The following RGS12 variants were observed in gnomAD, a reference collection of about 807,000 sequenced individuals.
RGS12 encodes regulator of G-protein signaling 12.
In RGS12, 66 loss-of-function variants were observed where a neutral mutation model predicts 120.1. That is an observed-to-expected ratio of 0.55 (90% CI 0.45 to 0.67). The LOEUF (loss-of-function observed/expected upper bound fraction) is 0.67, where lower values mean the gene tolerates loss of function less well. Ranked by LOEUF, RGS12 falls within the 30% of genes least tolerant of loss-of-function variation. RGS12 has a pLI of 0.00. For synonymous variants in RGS12, 827 were observed against 804.7 expected, an observed-to-expected ratio of 1.03 and a Z score of -0.47; for missense variants, 1,859 against 1,957.7, an observed-to-expected ratio of 0.95 and a Z score of 0.95.
At chr4:3,360,990 A>G (rs746780359) in intron 3 of RGS12, among the ~76,000 whole-genome samples, 1 of 152,218 alleles carries the variant, frequency 6.6e-6, no homozygotes, top group Non-Finnish European at 1.5e-5. Flanking sequence ...TCAAAATAGC[A>G]GTATTCATAA....
At chr4:3,373,536 C>G (rs1717279961) in intron 3 of RGS12, among the ~76,000 whole-genome samples, 1 of 152,236 alleles carries the variant, frequency 6.6e-6, no homozygotes, top group Non-Finnish European at 1.5e-5. Flanking sequence ...TTAACCCAGT[C>G]TCTCTCATCA....
At position 3,317,145 on chromosome 4, in the gene RGS12, G is replaced by C. The variant is rs1724828990; in HGVS notation, c.975G>C (p.Leu325=). The stretch of plus-strand genomic sequence containing the variant: ...TGCAGACGAATGACGACGGGAGCCT[G>C]GCCCAGGAGGAGGAGGGCGCCCTGC... ...VTMQTNDDGS[L]AQEEEGALRT... Residue 325 remains leucine (L), a synonymous_variant, in exon 2 of 18, where the codon CTG becomes CTC. Transcript: ENST00000336727. The C allele has an allele frequency of 4.3e-6, 7 of 1,613,636 alleles. No individual in the cohort carries two copies. The highest frequency in any genetic ancestry group is 5.9e-6 in the Non-Finnish European group (7 of 1,179,746).
intron 4 of RGS12, among the ~76,000 whole-genome samples, chr4:3,405,192 A>T (rs568614804): frequency 6.6e-6 from 1 of 152,362 alleles, no homozygotes; most frequent in African/African-American, 2.4e-5. Flanking sequence ...ATGCGAAGCA[A>T]GACACTTACA....
chr4:3,291,186 G>C (rs1002351625), upstream of RGS12, among the ~76,000 whole-genome samples: 2 of 152,202 alleles, frequency 1.3e-5, no homozygotes, highest in Non-Finnish European at 2.9e-5. Context: ...CTCACTCAGG[G>C]CCACTTGTCC....
chr4:3,417,528 G>T lies in RGS12; in HGVS notation c.2748G>T (p.Gly916=), dbSNP rs147203430. 6.2e-7 allele frequency: 1 copy of T among 1,612,896 alleles called. No homozygotes were observed. Among genetic ancestry groups the T allele is most frequent in the East Asian group, 2.2e-5 (1 of 44,876 alleles). The part of the protein sequence containing the change: ...TGRSQKKREH[G]DHADDALHAN... ...GGTCCCAGAAAAAGAGGGAGCACGG[G>T]GACCACGCAGACGGTTTGTGGGGTG... The change falls in exon 9 of 18, where the codon GGG becomes GGT. Residue 916 remains glycine, a synonymous_variant. Transcript: ENST00000336727.
chr4:3,389,539 A>C lies in RGS12; in HGVS notation c.2020+3102A>C, dbSNP rs1276656639. The stretch of plus-strand genomic sequence containing the variant: ...CTGGTCTGGCTCTGCACAGAGCTGG[A>C]GCCGCGGCCGCACAGAAGCCCGTTC... On this transcript the variant is annotated intron_variant, in intron 4 of 17. Coordinates refer to ENST00000336727, the MANE Select transcript of RGS12 (RefSeq NM_001394154.1). This position sits in a 1 kb window ranked among gnomAD's most constrained non-coding sequence, Gnocchi z 5.2. Among the ~76,000 whole-genome samples the C allele has an allele frequency of 1.3e-5, 2 of 152,116 alleles. No individual in the cohort carries two copies. The highest frequency in any genetic ancestry group is 2.9e-5 in the Non-Finnish European group (2 of 67,988).
chr4:3,377,168 C>T (rs1717791868), intron 3 of RGS12, among the ~76,000 whole-genome samples: 1 of 152,012 alleles, frequency 6.6e-6, no homozygotes, highest in African/African-American at 2.4e-5. Flanking sequence ...ACTTAGGGGG[C>T]TCAAGCGATC....
chr4:3,399,593 A>T (rs1720377803), intron 4 of RGS12, among the ~76,000 whole-genome samples: 1 of 152,260 alleles, frequency 6.6e-6, no homozygotes, highest in South Asian at 2.1e-4. Flanking sequence ...GATTAACCGG[A>T]CAATCTTTAG....
chr4:3,334,054 G>A, intron 2 of RGS12, among the ~76,000 whole-genome samples: 1 of 151,900 alleles, frequency 6.6e-6, no homozygotes, highest in Admixed American at 6.6e-5. Context: ...ATTATAAATG[G>A]TACCTTTTAA....
At chr4:3,367,267 G>A (rs551405651) in intron 3 of RGS12, among the ~76,000 whole-genome samples, 1 of 152,392 alleles carries the variant, frequency 6.6e-6, no homozygotes, top group East Asian at 1.9e-4. Flanking sequence ...TCTGGGATCC[G>A]CGGTGGGCCT....
chr4:3,383,521 G>A (rs1718481431), intron 3 of RGS12, among the ~76,000 whole-genome samples: 1 of 151,974 alleles, frequency 6.6e-6, no homozygotes, highest in African/African-American at 2.4e-5. Flanking sequence ...TGGGAGGATT[G>A]CTCAAACCCA....
chr4:3,302,174 C>T (rs955098692), intron 1 of RGS12, among the ~76,000 whole-genome samples: 3 of 152,188 alleles, frequency 2.0e-5, no homozygotes, highest in African/African-American at 7.2e-5. Context: ...GTGTTTGTTT[C>T]TGGAATCAGG....
chr4:3,428,751 GCA>G (rs763215654), intron 16 of RGS12, 40 bp downstream of exon 16: 5 of 1,536,346 alleles, frequency 3.3e-6, no homozygotes, highest in East Asian at 2.3e-5. Context: ...TTTAGTAAAT[GCA>G]CAGTTAGTTT....
At chr4:3,294,851 CAGGG>C (rs1308351778) in intron 1 of RGS12, among the ~76,000 whole-genome samples, 1 of 152,106 alleles carries the variant, frequency 6.6e-6, no homozygotes, top group East Asian at 1.9e-4. Flanking sequence ...CCGGAGGTCT[CAGGG>C]AGGTTGACAA....
intron 2 of RGS12, among the ~76,000 whole-genome samples, chr4:3,326,957 G>A (rs1454023091): frequency 4.6e-5 from 7 of 152,086 alleles, no homozygotes; most frequent in African/African-American, 1.7e-4. Context: ...AGTAGAAAAC[G>A]CAATCCTAAA....
chr4:3,414,526 C>G, intron 5 of RGS12: 5 of 600,812 alleles, frequency 8.3e-6, no homozygotes, highest in Non-Finnish European at 1.5e-5. Flanking sequence ...TGTTAAGAAG[C>G]CAGGTGCCTG....
Position 3,316,087 on chromosome 4 carries a change from C to A in RGS12, c.-84C>A. ...TTTCTTAGGGCACTGTTTGAAGAAGCAAACATGGTAGCATCAAGCATTCCT... is the reference window on the plus strand; with the variant it reads ...TTTCTTAGGGCACTGTTTGAAGAAGAAAACATGGTAGCATCAAGCATTCCT... On this transcript the variant is annotated 5_prime_UTR_variant, in exon 2 of 18. Transcript: ENST00000336727. The A allele has an allele frequency of 7.2e-7, 1 of 1,397,520 alleles. No individual in the cohort carries two copies. The highest frequency in any genetic ancestry group is 9.6e-7 in the Non-Finnish European group (1 of 1,036,384). 86.6% of individuals were successfully genotyped at this position (1,397,520 alleles called of 1,614,324 possible). A position where few individuals can be genotyped will look rare whatever the true frequency, so the allele number is the denominator to read the frequency against.
Position 3,439,502 on chromosome 4 carries a change from G to T in RGS12, c.4162G>T (p.Asp1388Tyr), listed in dbSNP as rs759793989. ...SRDLPVNRII[D>Y]VDLVTGSAPG... ...AGACCTCCCAGTCAACAGAATCATC[G>T]ATGTGGATCTTGTAACTGGCTCGGC... The change falls in exon 18 of 18, where the codon GAT becomes TAT. Residue 1388 changes from aspartate to tyrosine, a missense_variant. By Grantham distance (160) the Asp-to-Tyr change is radical. Coordinates refer to ENST00000336727, the MANE Select transcript of RGS12 (RefSeq NM_001394154.1). 1.9e-6 allele frequency: 3 copies of T among 1,612,868 alleles called. No homozygotes were observed. Among genetic ancestry groups the T allele is most frequent in the Non-Finnish European group, 2.5e-6 (3 of 1,179,902 alleles).
intron 3 of RGS12, among the ~76,000 whole-genome samples, chr4:3,351,012 G>A (rs941083547): frequency 5.9e-5 from 9 of 151,942 alleles, no homozygotes; most frequent in Middle Eastern, 3.4e-3. Flanking sequence ...TTGACAAAAC[G>A]GAACTTTTAT....
Sources: gnomAD v4.1 joint callset for allele counts (sites outside exome capture counted in the v4.1 genomes callset) on GRCh38, gnomAD v4.1.1 for gene constraint, Gnocchi (gnomAD v3.1) non-coding constraint, MANE v1.5 for transcripts, NCBI Gene and HGNC (gene_info 2026-07-23, HGNC 2026-07-21) for gene names.